PCDH15: variants seen among roughly 807,000 people sequenced by gnomAD.
The protein encoded by PCDH15 is protocadherin-15.
PCDH15 carries 129 observed loss-of-function variants against 178.5 expected under a neutral mutation model. That is an observed-to-expected ratio of 0.72 (90% CI 0.63 to 0.84). The LOEUF (loss-of-function observed/expected upper bound fraction) is 0.84. PCDH15 is among the 40% of genes least tolerant of loss of function. The pLI is 0.00. For missense variants in PCDH15, 2,230 were observed against 2,099.9 expected, an observed-to-expected ratio of 1.06 and a Z score of -1.21; for synonymous variants, 800 against 732.0, an observed-to-expected ratio of 1.09 and a Z score of -1.50.
chr10:54,369,025 C>G (rs1363317178), intron 5 of PCDH15, 95 bp downstream of exon 5: 2 of 1,388,002 alleles, frequency 1.4e-6, no homozygotes, highest in Non-Finnish European at 2.0e-6. Flanking sequence ...CAGTTAAGCT[C>G]ATAATTTTAA....
chr10:55,341,330 CTATAA>C (rs1165041315), intron 2 of PCDH15, among the ~76,000 whole-genome samples: 4 of 151,684 alleles, frequency 2.6e-5, no homozygotes, highest in Non-Finnish European at 5.9e-5. Flanking sequence ...AAGTCTTTAC[CTATAA>C]TATTTTTGAA....
intron 1 of PCDH15, among the ~76,000 whole-genome samples, chr10:54,789,531 A>C (rs1230035049): frequency 6.6e-6 from 1 of 151,946 alleles, no homozygotes; most frequent in Non-Finnish European, 1.5e-5. Context: ...ACTTTGGTTC[A>C]AAACCAAATA....
At chr10:55,131,266 C>A (rs895769356) in intron 2 of PCDH15, among the ~76,000 whole-genome samples, 1 of 152,158 alleles carries the variant, frequency 6.6e-6, no homozygotes, top group African/African-American at 2.4e-5. Flanking sequence ...TAGTTGCAGG[C>A]ATGCTGTCTG....
chr10:55,609,013 TATACACACACACAC>T (rs1285493183), intron 2 of PCDH15, among the ~76,000 whole-genome samples: 4 of 146,604 alleles, frequency 2.7e-5, no homozygotes, highest in African/African-American at 1.0e-4. Context: ...GTTATATATA[TATACACACACACAC>T]ACACACACAC....
At chr10:54,866,033 T>G (rs1009738311) in intron 3 of PCDH15, among the ~76,000 whole-genome samples, 4 of 152,174 alleles carry the variant, frequency 2.6e-5, no homozygotes, top group Admixed American at 2.6e-4. Context: ...TTGTGAGGAC[T>G]TTGATAGATG....
At position 54,779,474 on chromosome 10, in the gene PCDH15, ACACACATATATATG is replaced by A. The variant is rs1950094591; in HGVS notation, c.-29+21437_-29+21450del. Among the ~76,000 whole-genome samples the A allele has an allele frequency of 2.6e-5, 3 of 114,420 alleles. No individual in the cohort carries two copies. The Admixed American group carries it at 2.7e-4, about 10-fold the overall frequency. The allele number at this position is 114,420 out of a possible 152,430, so 75.1% of individuals were successfully genotyped here. ...CACTCATATATGTGTGTATATATAT[ACACACATATATATG>A]TATATATATACACACATATATGTGT... On this transcript the variant is annotated intron_variant, in intron 1 of 37. Coordinates refer to ENST00000644397, the MANE Select transcript of PCDH15 (RefSeq NM_001384140.1).
chr10:54,293,815 A>G (rs936097162), intron 8 of PCDH15, among the ~76,000 whole-genome samples: 3 of 152,184 alleles, frequency 2.0e-5, no homozygotes, highest in Admixed American at 1.3e-4. Context: ...AAGTCGGGAA[A>G]CAACAGATGC....
intron 2 of PCDH15, among the ~76,000 whole-genome samples, chr10:55,594,870 A>G (rs538811531): frequency 1.3e-5 from 2 of 152,152 alleles, no homozygotes; most frequent in East Asian, 3.9e-4. Context: ...GTAGAACTGA[A>G]CTGCAATAAT....
chr10:54,346,662 A>G (rs1191790913), intron 5 of PCDH15, among the ~76,000 whole-genome samples, 178 bp from the exon 6 acceptor site: 1 of 152,224 alleles, frequency 6.6e-6, no homozygotes, highest in Non-Finnish European at 1.5e-5. Context: ...AGTTCTTAAA[A>G]TGTCTGAAAT....
At chr10:55,420,617 C>T (rs1032421168) in intron 2 of PCDH15, among the ~76,000 whole-genome samples, 1 of 151,578 alleles carries the variant, frequency 6.6e-6, no homozygotes, top group Admixed American at 6.6e-5. Context: ...GCATGGGGAA[C>T]AGGAAATATA....
At chr10:55,348,001 A>T (rs1844808561) in intron 2 of PCDH15, among the ~76,000 whole-genome samples, 1 of 152,008 alleles carries the variant, frequency 6.6e-6, no homozygotes, top group Non-Finnish European at 1.5e-5. Context: ...GTCTGCTTGG[A>T]ATTTTTGATA....
chr10:54,564,204 C>T (rs2088659444), intron 2 of PCDH15, among the ~76,000 whole-genome samples: 1 of 152,070 alleles, frequency 6.6e-6, no homozygotes, highest in Non-Finnish European at 1.5e-5. Flanking sequence ...TGTCTATCCA[C>T]TTCAAATGAT....
intron 21 of PCDH15, among the ~76,000 whole-genome samples, chr10:53,975,502 T>A (rs1419157690): frequency 6.6e-6 from 1 of 152,146 alleles, no homozygotes; most frequent in Non-Finnish European, 1.5e-5. Context: ...TATTTTACTG[T>A]GGTTTTGATT....
chr10:54,787,461 T>C (rs1356213711), intron 1 of PCDH15, among the ~76,000 whole-genome samples: 1 of 151,992 alleles, frequency 6.6e-6, no homozygotes, highest in Non-Finnish European at 1.5e-5. Flanking sequence ...GTCAAAATTC[T>C]AAACAATTTG....
intron 2 of PCDH15, among the ~76,000 whole-genome samples, chr10:54,581,444 T>C (rs1264705604): frequency 6.6e-6 from 1 of 151,992 alleles, no homozygotes; most frequent in East Asian, 1.9e-4. Context: ...ACACACACAA[T>C]TATAAATTCA....
At chr10:53,808,612 T>G (rs1305813788) in intron 37 of PCDH15, 4 of 1,503,946 alleles carry the variant, frequency 2.7e-6, no homozygotes, top group Non-Finnish European at 3.6e-6. Context: ...CCCTTTCAAG[T>G]GTCACTTTGG....
At chr10:54,363,218 G>A (rs1946318619) in intron 5 of PCDH15, among the ~76,000 whole-genome samples, 1 of 152,064 alleles carries the variant, frequency 6.6e-6, no homozygotes, top group South Asian at 2.1e-4. Flanking sequence ...ATAACAAAAA[G>A]CAAATACATA....
chr10:54,173,761 A>G (rs1180492291), intron 13 of PCDH15, among the ~76,000 whole-genome samples: 1 of 152,190 alleles, frequency 6.6e-6, no homozygotes, highest in Non-Finnish European at 1.5e-5. Context: ...ATTTTATTCC[A>G]TTTGAGCCTA....
chr10:55,476,762 T>C (rs937713122), intron 2 of PCDH15, among the ~76,000 whole-genome samples: 8 of 152,064 alleles, frequency 5.3e-5, no homozygotes, highest in Non-Finnish European at 1.0e-4. Context: ...TTAAAATCTG[T>C]AGGATTTTCC....
Sources: allele counts gnomAD v4.1 joint callset (sites outside exome capture counted in the v4.1 genomes callset), GRCh38; gene constraint gnomAD v4.1.1; transcripts MANE v1.5; gene names NCBI Gene and HGNC (gene_info 2026-07-23, HGNC 2026-07-21).